ZMYM2: variants seen among roughly 807,000 people sequenced by gnomAD.
ZMYM2 encodes zinc finger MYM-type containing 2.
ZMYM2 carries 56 observed loss-of-function variants against 162.8 expected under a neutral mutation model. The ratio of observed to expected loss-of-function variants is 0.34; its 90% CI spans 0.28 to 0.43. The LOEUF (loss-of-function observed/expected upper bound fraction) is 0.43, where lower values mean the gene tolerates loss of function less well. Ranked by LOEUF, ZMYM2 falls within the 20% of genes least tolerant of loss-of-function variation. The pLI is 1.00. For missense variants in ZMYM2, 1,275 were observed against 1,621.8 expected (o/e 0.79, Z 3.67); for synonymous variants, 510 against 541.6 (o/e 0.94, Z 0.81).
the ZMYM2 span, among the ~76,000 whole-genome samples, chr13:19,913,736 C>T: frequency 3.7e-4 from 57 of 152,194 alleles, no homozygotes; most frequent in African/African-American, 1.3e-3. Flanking sequence ...GTCTCAAAAA[C>T]AAAAACAAAA....
At chr13:19,938,365 C>T in the ZMYM2 span, among the ~76,000 whole-genome samples, 4 of 151,986 alleles carry the variant, frequency 2.6e-5, no homozygotes, top group African/African-American at 4.8e-5. Context: ...AAAAATTAGC[C>T]GGGCGTGATG....
the ZMYM2 span, among the ~76,000 whole-genome samples, chr13:19,928,484 T>A: frequency 9.2e-5 from 14 of 152,240 alleles, no homozygotes; most frequent in African/African-American, 2.6e-4. Context: ...ATCGTTATCA[T>A]TCTTTGTGTC....
chr13:20,044,760 T>G (rs889685600), intron 12 of ZMYM2, among the ~76,000 whole-genome samples: 2 of 151,992 alleles, frequency 1.3e-5, no homozygotes, highest in African/African-American at 4.8e-5. Flanking sequence ...GTAAAGCATG[T>G]GAAGACAGGC....
the ZMYM2 span, among the ~76,000 whole-genome samples, chr13:19,925,089 G>A: frequency 6.6e-6 from 1 of 152,078 alleles, no homozygotes; most frequent in African/African-American, 2.4e-5. Context: ...TCTCCATGTT[G>A]GTCAGGCTGG....
chr13:20,058,164 A>G (rs1955952678), intron 14 of ZMYM2, among the ~76,000 whole-genome samples: 1 of 152,194 alleles, frequency 6.6e-6, no homozygotes, highest in Non-Finnish European at 1.5e-5. Flanking sequence ...CCATTTATCC[A>G]GCAGAGGGAG....
chr13:19,955,691 G>C (rs553454262), upstream of ZMYM2, among the ~76,000 whole-genome samples: 1 of 151,970 alleles, frequency 6.6e-6, no homozygotes, highest in Non-Finnish European at 1.5e-5. Flanking sequence ...GTGCGCTCTC[G>C]GCTCACTGCA....
intron 2 of ZMYM2, among the ~76,000 whole-genome samples, chr13:19,963,428 A>T (rs913263383): frequency 6.6e-6 from 1 of 152,246 alleles, no homozygotes; most frequent in African/African-American, 2.4e-5. Context: ...TTGCTGTTGG[A>T]TAAATCCATG....
the ZMYM2 span, among the ~76,000 whole-genome samples, chr13:19,897,515 C>A: frequency 1.3e-5 from 2 of 151,170 alleles, no homozygotes; most frequent in African/African-American, 4.9e-5. Flanking sequence ...GGGCAGGCGC[C>A]GTGGCCTATG....
intron 2 of ZMYM2, among the ~76,000 whole-genome samples, chr13:19,990,709 C>G (rs921212206): frequency 5.3e-5 from 8 of 152,136 alleles, no homozygotes; most frequent in African/African-American, 1.9e-4. Flanking sequence ...CTTTTTTATC[C>G]TTTCAGAGGC....
intron 9 of ZMYM2, among the ~76,000 whole-genome samples, chr13:20,028,370 G>A (rs1307950541): frequency 6.6e-6 from 1 of 152,180 alleles, no homozygotes; most frequent in Non-Finnish European, 1.5e-5. Flanking sequence ...GAGGAAGACA[G>A]TGTCTATAGC....
the ZMYM2 span, among the ~76,000 whole-genome samples, chr13:19,912,456 A>C: frequency 6.6e-6 from 1 of 151,794 alleles, no homozygotes; most frequent in African/African-American, 2.4e-5. Flanking sequence ...CCTCAGCCTC[A>C]AGAGTAGCTG....
chr13:20,057,246 G>T (rs922316282), intron 14 of ZMYM2, among the ~76,000 whole-genome samples: 3 of 152,102 alleles, frequency 2.0e-5, no homozygotes, highest in Non-Finnish European at 4.4e-5. Flanking sequence ...GGGACTAGAG[G>T]TGGGCGCCAC....
chr13:19,870,517 CTT>C, the ZMYM2 span, among the ~76,000 whole-genome samples: 7 of 77,994 alleles, frequency 9.0e-5, no homozygotes, highest in African/African-American at 2.4e-4. Context: ...CTCCCTCCCT[CTT>C]TCTCTCTTTC....
chr13:20,025,954 T>C (rs1258509338), intron 7 of ZMYM2: 1 of 152,240 alleles, frequency 6.6e-6, no homozygotes, highest in Non-Finnish European at 1.5e-5. Flanking sequence ...CACATTACTG[T>C]ATTCACTTTT....
At chr13:19,928,669 T>A in the ZMYM2 span, among the ~76,000 whole-genome samples, 1 of 152,016 alleles carries the variant, frequency 6.6e-6, no homozygotes, top group South Asian at 2.1e-4. Context: ...TGGTGGCACA[T>A]GCCTGTAGTC....
chr13:19,960,321 A>T (rs1264070654), intron 2 of ZMYM2, among the ~76,000 whole-genome samples: 1 of 152,216 alleles, frequency 6.6e-6, no homozygotes, highest in Non-Finnish European at 1.5e-5. Flanking sequence ...GAAGGAGGGC[A>T]TATTTCTGGT....
intron 21 of ZMYM2, among the ~76,000 whole-genome samples, chr13:20,080,448 C>T (rs905218824): frequency 1.3e-5 from 2 of 151,012 alleles, no homozygotes; most frequent in African/African-American, 2.4e-5. Flanking sequence ...AGCATATTGT[C>T]GAACCTTGCC....
chr13:20,077,610 A>G (rs891595375), intron 21 of ZMYM2, among the ~76,000 whole-genome samples: 2 of 141,440 alleles, frequency 1.4e-5, no homozygotes, highest in Admixed American at 1.3e-4. Context: ...TGAAGTACAT[A>G]TAGAAATTTA....
At chr13:19,923,776 T>G in the ZMYM2 span, among the ~76,000 whole-genome samples, 1 of 150,418 alleles carries the variant, frequency 6.6e-6, no homozygotes, top group Admixed American at 6.7e-5. Flanking sequence ...GTTTAAGCGA[T>G]TCTCCTGCCT....
Sources: allele counts gnomAD v4.1 joint callset (sites outside exome capture counted in the v4.1 genomes callset), GRCh38; gene constraint gnomAD v4.1.1; transcripts MANE v1.5; gene names NCBI Gene and HGNC (gene_info 2026-07-23, HGNC 2026-07-21).